C12orf42: variants seen among roughly 807,000 people sequenced by gnomAD.
C12orf42 encodes uncharacterized protein C12orf42.
A neutral mutation model predicts 21.6 loss-of-function variants in C12orf42; 25 were observed. The ratio of observed to expected loss-of-function variants is 1.16; its 90% CI spans 0.84 to 1.62. C12orf42 has a LOEUF of 1.62. Among genes scored for constraint, C12orf42 ranks in the 40% most tolerant of loss-of-function variants. C12orf42 has a pLI of 0.00. For missense variants in C12orf42, 483 were observed against 459.3 expected, an observed-to-expected ratio of 1.05 and a Z score of -0.47; for synonymous variants, 174 against 175.0, an observed-to-expected ratio of 0.99 and a Z score of 0.05.
chr12:103,135,163 G>C, the C12orf42 span, among the ~76,000 whole-genome samples: 1 of 152,054 alleles, frequency 6.6e-6, no homozygotes, highest in African/African-American at 2.4e-5. Flanking sequence ...ACACAATTAA[G>C]AAAGAGAAAG....
the C12orf42 span, among the ~76,000 whole-genome samples, chr12:103,142,576 A>G: frequency 2.0e-5 from 3 of 152,210 alleles, no homozygotes; most frequent in Non-Finnish European, 4.4e-5. Flanking sequence ...TCAGAGAGAG[A>G]GAGAGAAAAG....
At chr12:103,107,751 A>C in the C12orf42 span, among the ~76,000 whole-genome samples, 1 of 151,752 alleles carries the variant, frequency 6.6e-6, no homozygotes, top group Non-Finnish European at 1.5e-5. Context: ...AATGAAGGGA[A>C]TATATTAATG....
chr12:103,171,160 C>A, the C12orf42 span, among the ~76,000 whole-genome samples: 1 of 152,086 alleles, frequency 6.6e-6, no homozygotes, highest in African/African-American at 2.4e-5. Flanking sequence ...ATCACTAACT[C>A]AAAAGGACCA....
chr12:103,539,821 C>T, the C12orf42 span, among the ~76,000 whole-genome samples: 9 of 151,346 alleles, frequency 5.9e-5, no homozygotes, highest in Non-Finnish European at 1.2e-4. Context: ...CCTCGTGATT[C>T]GCCCGCCTTG....
the C12orf42 span, among the ~76,000 whole-genome samples, chr12:103,512,395 G>A: frequency 4.6e-5 from 7 of 151,966 alleles, no homozygotes; most frequent in African/African-American, 1.7e-4. Flanking sequence ...TTCTCTTGTT[G>A]GAAAGCAGAG....
At chr12:103,162,913 G>C in the C12orf42 span, 14 of 152,332 alleles carry the variant, frequency 9.2e-5, no homozygotes, top group African/African-American at 3.4e-4. Context: ...CTTCTGGAAA[G>C]AAATGGCGCT....
At chr12:103,271,576 G>T (rs956505475) in intron 5 of C12orf42, among the ~76,000 whole-genome samples, 4 of 152,078 alleles carry the variant, frequency 2.6e-5, no homozygotes, top group African/African-American at 9.7e-5. Flanking sequence ...AATTTTACTA[G>T]GTTTTTATTA....
chr12:103,105,893 A>G, the C12orf42 span, among the ~76,000 whole-genome samples: 53 of 152,322 alleles, frequency 3.5e-4, no homozygotes, highest in Middle Eastern at 6.8e-3. Context: ...AGGAAGATAT[A>G]GTGAAAGAGG....
chr12:103,087,748 A>C, the C12orf42 span, among the ~76,000 whole-genome samples: 1 of 152,382 alleles, frequency 6.6e-6, no homozygotes, highest in African/African-American at 2.4e-5. Context: ...TCAACAGTTT[A>C]GAGGGAAAGT....
the C12orf42 span, among the ~76,000 whole-genome samples, chr12:103,210,627 C>T: frequency 1.6e-5 from 2 of 121,686 alleles, no homozygotes; most frequent in Admixed American, 1.6e-4. Context: ...CTTGGTGTAA[C>T]ACCCTCTATT....
chr12:103,382,656 T>C (rs2046283443), intron 3 of C12orf42, among the ~76,000 whole-genome samples: 1 of 152,236 alleles, frequency 6.6e-6, no homozygotes, highest in African/African-American at 2.4e-5. Context: ...CGGTGCCTAT[T>C]TCACAGGTGC....
the C12orf42 span, among the ~76,000 whole-genome samples, chr12:103,508,973 G>A: frequency 5.3e-5 from 8 of 152,138 alleles, no homozygotes; most frequent in Non-Finnish European, 7.4e-5. Context: ...GCTAACTCTC[G>A]CAAGAACTCT....
intron 2 of C12orf42, among the ~76,000 whole-genome samples, chr12:103,455,468 C>A (rs147628466): frequency 1.3e-5 from 2 of 152,054 alleles, no homozygotes; most frequent in African/African-American, 4.8e-5. Context: ...AAATTTCATT[C>A]TCTGATCTCT....
the C12orf42 span, among the ~76,000 whole-genome samples, chr12:103,120,610 A>T: frequency 6.6e-6 from 1 of 152,042 alleles, no homozygotes; most frequent in South Asian, 2.1e-4. Context: ...TATCAATAAG[A>T]TGGGGATATA....
chr12:103,360,662 T>C (rs541797180), intron 4 of C12orf42, among the ~76,000 whole-genome samples: 1 of 152,034 alleles, frequency 6.6e-6, no homozygotes, highest in East Asian at 1.9e-4. Flanking sequence ...TTTAAAAGAA[T>C]AAAGAAGTTG....
intron 2 of C12orf42, among the ~76,000 whole-genome samples, chr12:103,476,119 T>G (rs892163145): frequency 6.6e-6 from 1 of 152,202 alleles, no homozygotes; most frequent in Non-Finnish European, 1.5e-5. Context: ...GTGGCTAGGA[T>G]GTCAGAGCAT....
chr12:103,058,148 G>T, the C12orf42 span, among the ~76,000 whole-genome samples: 1 of 151,732 alleles, frequency 6.6e-6, no homozygotes, highest in Admixed American at 6.6e-5. Context: ...GTAGAGATGG[G>T]GTGTCACCAT....
At chr12:103,262,235 T>C (rs993416869) in intron 10 of C12orf42, 39 of 152,348 alleles carry the variant, frequency 2.6e-4, no homozygotes, top group African/African-American at 9.4e-4. Context: ...GAACTTATCC[T>C]AAGGGAACAG....
At chr12:103,223,415 CAGAA>C in the C12orf42 span, among the ~76,000 whole-genome samples, 1 of 152,068 alleles carries the variant, frequency 6.6e-6, no homozygotes, top group Non-Finnish European at 1.5e-5. Context: ...AATGGAATAA[CAGAA>C]GGAGAAAAAC....
Sources: allele counts gnomAD v4.1 joint callset (sites outside exome capture counted in the v4.1 genomes callset), GRCh38; gene constraint gnomAD v4.1.1; transcripts MANE v1.5; gene names NCBI Gene and HGNC (gene_info 2026-07-23, HGNC 2026-07-21).